The following DOCK7 variants were observed in gnomAD, a reference collection of about 807,000 sequenced individuals.
DOCK7 encodes dedicator of cytokinesis protein 7.
In DOCK7, 138 loss-of-function variants were observed where a neutral mutation model predicts 271.0. That is an observed-to-expected ratio of 0.51 (90% confidence interval 0.44 to 0.59). The LOEUF is 0.59. Ranked by LOEUF, DOCK7 falls within the 20% of genes least tolerant of loss-of-function variation. The pLI is 0.00. For missense variants in DOCK7, 2,066 were observed against 2,592.4 expected (o/e 0.80, Z 4.41); for synonymous variants, 823 against 876.1 (o/e 0.94, Z 1.07).
intron 25 of DOCK7, among the ~76,000 whole-genome samples, chr1:62,540,611 T>G (rs961962309): frequency 6.6e-6 from 1 of 152,192 alleles, no homozygotes; most frequent in Non-Finnish European, 1.5e-5. Flanking sequence ...TGATAGCATA[T>G]AGTGGGAATA....
At chr1:62,667,727 A>G (rs1659479717) in intron 1 of DOCK7, among the ~76,000 whole-genome samples, 1 of 152,096 alleles carries the variant, frequency 6.6e-6, no homozygotes. Context: ...AAAAATAAAT[A>G]AATAAATAGG....
chr1:62,531,490 C>A (rs753497123), intron 29 of DOCK7, among the ~76,000 whole-genome samples: 1 of 152,146 alleles, frequency 6.6e-6, no homozygotes, highest in Non-Finnish European at 1.5e-5. Flanking sequence ...TTCTTCAATT[C>A]TTTATAAATG....
chr1:62,619,905 A>G lies in DOCK7; in HGVS notation c.1514T>C (p.Ile505Thr). The change falls in exon 13 of 50, where the codon ATT becomes ACT. Residue 505 changes from isoleucine (I) to threonine (T), a missense_variant. This residue lies in a region of DOCK7 where 1,414 missense variants were observed against 1,670.4 expected (regional missense o/e 0.85). Transcript: ENST00000635253. ...TACTCAAAATTTTTAAATACCTGTA[A>G]TAGGTCTTAGTCGCCGTAAGACAGA... ...PSSVLRRLRPITAQLKIDISP... is the reference protein window; with the variant it reads ...PSSVLRRLRPTTAQLKIDISP... 1 of 1,609,186 alleles carries G rather than the reference A, an allele frequency of 6.2e-7. No individual in the cohort carries two copies. Among genetic ancestry groups the G allele is most frequent in the South Asian group, 1.1e-5 (1 of 90,594 alleles).
At chr1:62,549,477 C>T (rs1162924303) in intron 22 of DOCK7, among the ~76,000 whole-genome samples, 1 of 152,118 alleles carries the variant, frequency 6.6e-6, no homozygotes, top group Non-Finnish European at 1.5e-5. Flanking sequence ...AGTTGAAATA[C>T]TAGAGAATAA....
chr1:62,493,755 A>G (rs140097154), intron 40 of DOCK7, among the ~76,000 whole-genome samples: 3 of 152,312 alleles, frequency 2.0e-5, no homozygotes, highest in Non-Finnish European at 2.9e-5. Flanking sequence ...CCTACTATTA[A>G]CAGGTTTTGA....
chr1:62,629,148 T>C (rs1279461941), intron 11 of DOCK7: 2 of 152,216 alleles, frequency 1.3e-5, no homozygotes, highest in African/African-American at 4.8e-5. Flanking sequence ...GTGGAATTTT[T>C]GAAGGTGCAG....
At chr1:62,553,349 TATATA>T (rs1447464759) in intron 21 of DOCK7, among the ~76,000 whole-genome samples, 17 of 3,788 alleles carry the variant, frequency 4.5e-3, no homozygotes, top group African/African-American at 0.018. Flanking sequence ...TATATATATA[TATATA>T]TTTTTTTTTT....
intron 48 of DOCK7, among the ~76,000 whole-genome samples, chr1:62,470,747 T>C (rs1196775163): frequency 6.6e-6 from 1 of 152,130 alleles, no homozygotes; most frequent in Non-Finnish European, 1.5e-5. Context: ...TGAGCTGAGA[T>C]TGTGTCACTT....
chr1:62,591,668 A>G (rs572441671), intron 14 of DOCK7, among the ~76,000 whole-genome samples: 1 of 152,232 alleles, frequency 6.6e-6, no homozygotes, highest in South Asian at 2.1e-4. Context: ...CCCACTCCCA[A>G]ATCTCCACAT....
chr1:62,551,927 A>G (rs1418768470), intron 22 of DOCK7, among the ~76,000 whole-genome samples: 1 of 151,890 alleles, frequency 6.6e-6, no homozygotes, highest in Non-Finnish European at 1.5e-5. Flanking sequence ...TATCAAACCT[A>G]AAAGAAATAA....
At chr1:62,508,173 T>C (rs1644367265) in intron 34 of DOCK7, 115 bp from the exon 35 acceptor site, 2 of 944,108 alleles carry the variant, frequency 2.1e-6, no homozygotes, top group Admixed American at 7.0e-5. Context: ...ATTTGCCTGA[T>C]AAAAAATTAC....
chr1:62,563,122 G>T (rs557148646), intron 18 of DOCK7, among the ~76,000 whole-genome samples: 15 of 152,084 alleles, frequency 9.9e-5, no homozygotes, highest in Admixed American at 2.0e-4. Context: ...AACCAGGAAG[G>T]GGTCAGCAAA....
chr1:62,550,480 A>T (rs1441486824), intron 22 of DOCK7, among the ~76,000 whole-genome samples: 9 of 152,108 alleles, frequency 5.9e-5, no homozygotes, highest in Admixed American at 5.9e-4. Context: ...GAAAGAAGGA[A>T]TTAAATCATT....
intron 18 of DOCK7, among the ~76,000 whole-genome samples, chr1:62,565,748 T>C (rs1646492147): frequency 1.3e-5 from 2 of 152,084 alleles, no homozygotes; most frequent in East Asian, 1.9e-4. Flanking sequence ...GGTATTCAAA[T>C]AGGAAAAGAG....
intron 33 of DOCK7, among the ~76,000 whole-genome samples, chr1:62,512,710 G>T (rs1443447643): frequency 2.0e-5 from 3 of 151,528 alleles, no homozygotes; most frequent in African/African-American, 7.3e-5. Flanking sequence ...ACTAGCCTGG[G>T]CAATACAGTG....
intron 16 of DOCK7, among the ~76,000 whole-genome samples, chr1:62,581,368 CA>C (rs1557752107): frequency 6.6e-6 from 1 of 151,964 alleles, no homozygotes; most frequent in Non-Finnish European, 1.5e-5. Flanking sequence ...AGAGGAAAGA[CA>C]AAGATGTCTT....
chr1:62,636,483 T>G lies in DOCK7; in HGVS notation c.885+54A>C, dbSNP rs1265696386. On this transcript the variant is annotated intron_variant, in intron 8 of 49. Coordinates refer to ENST00000635253, the MANE Select transcript of DOCK7 (RefSeq NM_001367561.1). ...AAATCAATCTTATAAAACAAACAGGTTTCTGAAACCAATGATTATGACAAA... is the reference window on the plus strand; with the variant it reads ...AAATCAATCTTATAAAACAAACAGGGTTCTGAAACCAATGATTATGACAAA... The G allele has an allele frequency of 8.7e-6, 12 of 1,372,536 alleles. No individual in the cohort carries two copies. The East Asian group carries it at 2.8e-4, about 32-fold the overall frequency. The allele number at this position is 1,372,536 out of a possible 1,614,324, so 85.0% of individuals were successfully genotyped here. A position where few individuals can be genotyped will look rare whatever the true frequency, so the allele number is the denominator to read the frequency against.
At chr1:62,471,676 T>C (rs1049040335) in intron 48 of DOCK7, among the ~76,000 whole-genome samples, 24 of 152,202 alleles carry the variant, frequency 1.6e-4, no homozygotes, top group Admixed American at 1.6e-3. Context: ...AATGTTCATG[T>C]ACTGTGCCTC....
chr1:62,681,524 T>TA (rs1234461048), intron 1 of DOCK7, among the ~76,000 whole-genome samples: 1 of 112,302 alleles, frequency 8.9e-6, no homozygotes, highest in African/African-American at 3.2e-5. Context: ...CCGTAGAACT[T>TA]AAAGTATAAT....
Sources: gnomAD v4.1 joint callset for allele counts (sites outside exome capture counted in the v4.1 genomes callset) on GRCh38, gnomAD v4.1.1 for gene constraint, gnomAD v4.1.1 regional missense constraint, MANE v1.5 for transcripts, NCBI Gene and HGNC (gene_info 2026-07-23, HGNC 2026-07-21) for gene names.